The following AGMO variants were observed in gnomAD, a reference collection of about 807,000 sequenced individuals.
AGMO encodes alkylglycerol monooxygenase.
A neutral mutation model predicts 60.2 loss-of-function variants in AGMO; 75 were observed. The ratio of observed to expected loss-of-function variants is 1.25; its 90% CI spans 1.03 to 1.51. The LOEUF (loss-of-function observed/expected upper bound fraction) is 1.51. Among genes scored for constraint, AGMO ranks in the 40% most tolerant of loss-of-function variants. The pLI is 0.00. For synonymous variants in AGMO, 261 were observed against 177.1 expected (o/e 1.47, Z -3.76); for missense variants, 763 against 525.5 (o/e 1.45, Z -4.42).
chr7:15,187,998 T>A, the AGMO span, among the ~76,000 whole-genome samples: 3 of 152,104 alleles, frequency 2.0e-5, no homozygotes, highest in Non-Finnish European at 4.4e-5. Context: ...CCAGACACCT[T>A]ATGTCTGTTC....
At chr7:15,277,440 A>C (rs1000157743) in intron 12 of AGMO, among the ~76,000 whole-genome samples, 1 of 152,106 alleles carries the variant, frequency 6.6e-6, no homozygotes, top group Non-Finnish European at 1.5e-5. Flanking sequence ...TGACATTCAG[A>C]TTTCTCATAG....
intron 2 of AGMO, among the ~76,000 whole-genome samples, chr7:15,556,034 G>T (rs1337194969): frequency 6.6e-6 from 1 of 151,744 alleles, no homozygotes; most frequent in African/African-American, 2.4e-5. Context: ...ATGAATTGCT[G>T]CTTATTAAAG....
At chr7:15,435,804 A>G (rs187676476) in intron 3 of AGMO, among the ~76,000 whole-genome samples, 2 of 152,300 alleles carry the variant, frequency 1.3e-5, no homozygotes, top group East Asian at 3.9e-4. Context: ...CAGAAAAATT[A>G]GAAATATCTA....
intron 3 of AGMO, among the ~76,000 whole-genome samples, chr7:15,537,956 G>A (rs940760183): frequency 2.0e-5 from 3 of 151,986 alleles, no homozygotes; most frequent in Non-Finnish European, 4.4e-5. Flanking sequence ...AACATTTGAC[G>A]TGGGATGGCG....
chr7:15,183,706 A>G, the AGMO span, among the ~76,000 whole-genome samples: 5 of 152,244 alleles, frequency 3.3e-5, no homozygotes, highest in African/African-American at 9.6e-5. Flanking sequence ...TGAGGATTCA[A>G]TGAGTTAAGA....
chr7:15,504,957 G>A (rs928442686), intron 3 of AGMO, among the ~76,000 whole-genome samples: 1 of 151,808 alleles, frequency 6.6e-6, no homozygotes, highest in African/African-American at 2.4e-5. Context: ...AATATCATCA[G>A]TAATCATTCC....
chr7:15,517,425 T>C (rs1296489764), intron 3 of AGMO, among the ~76,000 whole-genome samples: 1 of 150,398 alleles, frequency 6.6e-6, no homozygotes, highest in Non-Finnish European at 1.5e-5. Flanking sequence ...GCGAGACCAA[T>C]GCAGAAGGTG....
intron 2 of AGMO, among the ~76,000 whole-genome samples, chr7:15,550,660 T>G (rs1784926600): frequency 6.6e-6 from 1 of 150,440 alleles, no homozygotes. Context: ...GGAGCTGAAA[T>G]TCTGGCAATA....
chr7:15,156,689 A>G, the AGMO span, among the ~76,000 whole-genome samples: 8 of 152,076 alleles, frequency 5.3e-5, no homozygotes, highest in African/African-American at 1.9e-4. Flanking sequence ...CTCGGCAACC[A>G]CATGCAGTGT....
the AGMO span, among the ~76,000 whole-genome samples, chr7:15,150,776 G>A: frequency 5.3e-5 from 8 of 152,030 alleles, no homozygotes; most frequent in Admixed American, 5.2e-4. Context: ...TTCTTTTTGT[G>A]TCTCTGCCAG....
At chr7:15,251,900 A>G (rs1383806481) in intron 12 of AGMO, among the ~76,000 whole-genome samples, 1 of 152,236 alleles carries the variant, frequency 6.6e-6, no homozygotes, top group Non-Finnish European at 1.5e-5. Flanking sequence ...CATGCTAGTT[A>G]TAAGACTCCT....
chr7:15,289,258 G>A (rs931912152), intron 12 of AGMO, among the ~76,000 whole-genome samples: 8 of 136,144 alleles, frequency 5.9e-5, no homozygotes, highest in Non-Finnish European at 7.7e-5. Flanking sequence ...TAAATTACAC[G>A]AAATAAATTT....
At chr7:15,297,075 C>G (rs1274845211) in intron 12 of AGMO, among the ~76,000 whole-genome samples, 1 of 152,014 alleles carries the variant, frequency 6.6e-6, no homozygotes, top group Non-Finnish European at 1.5e-5. Context: ...CTCACACACA[C>G]AGACACAATC....
chr7:15,317,150 G>A (rs571286215), intron 12 of AGMO, among the ~76,000 whole-genome samples: 1 of 151,976 alleles, frequency 6.6e-6, no homozygotes, highest in African/African-American at 2.4e-5. Flanking sequence ...TTTCAACTTC[G>A]TAAATTCTGT....
Position 15,304,364 on chromosome 7 carries a change from G to A in AGMO, c.1263+61150C>T, listed in dbSNP as rs1021214980. 3.3e-5 allele frequency among the ~76,000 whole-genome samples: 5 copies of A among 152,106 alleles called. No homozygotes were observed. In the East Asian group the frequency reaches 9.6e-4, roughly 29 times the overall value. On this transcript the variant is annotated intron_variant, in intron 12 of 12. Coordinates refer to ENST00000342526, the MANE Select transcript of AGMO (RefSeq NM_001004320.2). The stretch of plus-strand genomic sequence containing the variant: ...ATAACAGCGTACCCAGCAAACAGCT[G>A]TGGAAGGGAAGAATTGGATTGAAAT...
intron 5 of AGMO, among the ~76,000 whole-genome samples, chr7:15,415,829 G>T (rs1343845158): frequency 1.3e-5 from 2 of 151,930 alleles, no homozygotes; most frequent in African/African-American, 2.4e-5. Flanking sequence ...AGATTTTCTT[G>T]CTATCTTTAG....
chr7:15,424,526 G>C (rs934321258), intron 4 of AGMO, among the ~76,000 whole-genome samples: 3 of 152,092 alleles, frequency 2.0e-5, no homozygotes, highest in African/African-American at 7.2e-5. Flanking sequence ...CTGAAAATCA[G>C]AGAATAATTT....
chr7:15,216,505 C>A lies in AGMO; in HGVS notation c.1264-15146G>T, dbSNP rs571619177. ...AGTTAATTTATTAAACTTTCACGGT[C>A]AAAGAATAAGCCAAATCTTTCTACT... is the stretch of plus-strand genomic sequence containing the variant. On this transcript the variant is annotated intron_variant, in intron 12 of 12. Transcript: ENST00000342526. Among the ~76,000 whole-genome samples, 4 of 151,998 alleles carry A rather than the reference C, an allele frequency of 2.6e-5. No individual in the cohort carries two copies. In the South Asian group the frequency reaches 8.3e-4, roughly 32 times the overall value.
At chr7:15,153,969 T>A in the AGMO span, among the ~76,000 whole-genome samples, 11 of 152,022 alleles carry the variant, frequency 7.2e-5, no homozygotes, top group African/African-American at 2.7e-4. Flanking sequence ...ATTCTATCCA[T>A]CCATGAGGAG....
Sources: gnomAD v4.1 joint callset for allele counts (sites outside exome capture counted in the v4.1 genomes callset) on GRCh38, gnomAD v4.1.1 for gene constraint, MANE v1.5 for transcripts, NCBI Gene and HGNC (gene_info 2026-07-23, HGNC 2026-07-21) for gene names.